The following AMMECR1 variants were observed in gnomAD, a reference collection of about 807,000 sequenced individuals.
AMMECR1 encodes the protein AMMECR nuclear protein 1.
AMMECR1 carries 3 observed loss-of-function variants against 22.5 expected under a neutral mutation model. The ratio of observed to expected loss-of-function variants is 0.13; its 90% CI spans 0.06 to 0.35. The LOEUF is 0.35. Ranked by LOEUF, AMMECR1 falls within the 10% of genes least tolerant of loss-of-function variation. The pLI is 1.00. For missense variants in AMMECR1, 235 were observed against 278.7 expected (o/e 0.84, Z 1.12); for synonymous variants, 130 against 116.7 (o/e 1.11, Z -0.74).
chrX:110,338,914 T>C (rs1307599577), intron 2 of AMMECR1, among the ~76,000 whole-genome samples: 1 of 111,827 alleles, frequency 8.9e-6, no homozygotes. Context: ...GCCAGGGAAC[T>C]GCCTGGGGTG....
chrX:110,348,572 T>A (rs1198338008), intron 2 of AMMECR1, among the ~76,000 whole-genome samples: 5 of 112,388 alleles, frequency 4.4e-5, no homozygotes, highest in Non-Finnish European at 7.5e-5. Context: ...TAAAGATTTT[T>A]AAAAAGTAAA....
chrX:110,321,744 G>GA (rs987944741), upstream of AMMECR1, among the ~76,000 whole-genome samples: 21 of 108,397 alleles, frequency 1.9e-4, no homozygotes, highest in East Asian at 1.7e-3. Context: ...ATATTTCATT[G>GA]AAAAAAAAAC....
intron 2 of AMMECR1, among the ~76,000 whole-genome samples, chrX:110,344,036 A>G (rs563341790): frequency 1.8e-5 from 2 of 110,518 alleles, no homozygotes; most frequent in Non-Finnish European, 1.9e-5. Flanking sequence ...GCATTGCCAA[A>G]TCAATCCTAA....
At position 110,228,169 on chromosome X, in the gene AMMECR1, C is replaced by T. The variant is rs922735850; in HGVS notation, c.585-11537G>A. On this transcript the variant is annotated intron_variant, in intron 2 of 5. Transcript: ENST00000262844. ...GGAGGAAAGAATCTTTTAAACTACT[C>T]GTATCATTTTTGTTTTATATGATTC... Among the ~76,000 whole-genome samples, 15 of 111,886 alleles carry T rather than the reference C, an allele frequency of 1.3e-4. No individual in the cohort carries two copies. The Admixed American group carries it at 1.4e-3, about 11-fold the overall frequency.
intron 2 of AMMECR1, among the ~76,000 whole-genome samples, chrX:110,424,136 T>A (rs1472765906): frequency 9.0e-6 from 1 of 111,650 alleles, no homozygotes; most frequent in Admixed American, 9.5e-5. Context: ...GGAAACATAA[T>A]GCAAGGTCAC....
chrX:110,238,192 C>T (rs111946184), intron 2 of AMMECR1, among the ~76,000 whole-genome samples: 47 of 111,948 alleles, frequency 4.2e-4, no homozygotes, highest in Middle Eastern at 9.2e-3. Flanking sequence ...CTAAAACAAG[C>T]AAAACTACTT....
intron 2 of AMMECR1, among the ~76,000 whole-genome samples, chrX:110,246,275 A>G (rs1190517633): frequency 9.0e-6 from 1 of 110,820 alleles, no homozygotes; most frequent in Non-Finnish European, 1.9e-5. Flanking sequence ...ATCCAGTTAT[A>G]AAACAAGTGA....
intron 2 of AMMECR1, among the ~76,000 whole-genome samples, chrX:110,424,552 A>G (rs1189323629): frequency 9.0e-6 from 1 of 111,124 alleles, no homozygotes; most frequent in Non-Finnish European, 1.9e-5. Flanking sequence ...CTTAACATTC[A>G]CTCACCAATC....
At chrX:110,299,674 G>A (rs2067955326) in intron 1 of AMMECR1, among the ~76,000 whole-genome samples, 1 of 111,594 alleles carries the variant, frequency 9.0e-6, no homozygotes, top group South Asian at 3.7e-4. Context: ...ATAATTGAAA[G>A]TTTGTATCCT....
chrX:110,232,024 T>C lies in AMMECR1; in HGVS notation c.585-15392A>G, dbSNP rs750638234. Among the ~76,000 whole-genome samples, 18 of 111,237 alleles carry C rather than the reference T, an allele frequency of 1.6e-4. No homozygotes were observed. In the East Asian group the frequency reaches 3.9e-3, roughly 24 times the overall value. ...CACCCAGATTCATAAATGAAGTCCT[T>C]AGAGACCCACAGAGAAACTTAGACT... On this transcript the variant is annotated intron_variant, in intron 2 of 5. Transcript: ENST00000262844.
intron 1 of AMMECR1, among the ~76,000 whole-genome samples, chrX:110,266,110 GT>G (rs752019966): frequency 0.01 from 931 of 92,571 alleles, 5 homozygotes; most frequent in African/African-American, 0.029. Flanking sequence ...GTAAAAGCCA[GT>G]TTTTTTTTTT....
At chrX:110,207,418 C>T (rs1462965324) in intron 3 of AMMECR1, among the ~76,000 whole-genome samples, 1 of 111,425 alleles carries the variant, frequency 9.0e-6, no homozygotes, top group East Asian at 2.8e-4. Context: ...ATACTTCGAA[C>T]TTAGGCCTAC....
chrX:110,352,670 A>G (rs1051959652), intron 2 of AMMECR1, among the ~76,000 whole-genome samples: 3 of 111,917 alleles, frequency 2.7e-5, no homozygotes, highest in Non-Finnish European at 5.6e-5. Context: ...ACTAAAAACC[A>G]TTTAATTGAA....
chrX:110,334,667 G>A (rs1035944413), intron 2 of AMMECR1, among the ~76,000 whole-genome samples: 1 of 111,885 alleles, frequency 8.9e-6, no homozygotes, highest in Non-Finnish European at 1.9e-5. Context: ...GTGTTTAATC[G>A]CTTTCAAATG....
chrX:110,324,418 AC>A (rs2068090048), intron 2 of AMMECR1, among the ~76,000 whole-genome samples: 1 of 110,840 alleles, frequency 9.0e-6, no homozygotes, highest in South Asian at 3.8e-4. Context: ...TGATAGTTTT[AC>A]TTCTTTCTTT....
intron 2 of AMMECR1, among the ~76,000 whole-genome samples, chrX:110,392,809 A>G (rs762527762): frequency 8.9e-6 from 1 of 112,241 alleles, no homozygotes; most frequent in Non-Finnish European, 1.9e-5. Context: ...CCTGAAAAAT[A>G]TACTTTTCTT....
At chrX:110,233,401 G>A (rs761734540) in intron 2 of AMMECR1, among the ~76,000 whole-genome samples, 6 of 111,955 alleles carry the variant, frequency 5.4e-5, no homozygotes, top group African/African-American at 1.3e-4. Context: ...TCTACCAGAC[G>A]TACAAAGAGG....
intron 2 of AMMECR1, among the ~76,000 whole-genome samples, chrX:110,339,922 G>T (rs2068157216): frequency 9.2e-6 from 1 of 108,805 alleles, no homozygotes; most frequent in Admixed American, 1.0e-4. Context: ...TAATAAATCA[G>T]TAATTTAAAA....
Position 110,271,753 on chromosome X carries a change from T to C in AMMECR1, c.474-7154A>G, listed in dbSNP as rs184578096. ...AAGGGAAAAATAGCTGTGGGTTTTT[T>C]TTCCTGATAATAGGAACACACCAGA... On this transcript the variant is annotated intron_variant, in intron 1 of 5. Coordinates refer to ENST00000262844, the MANE Select transcript of AMMECR1 (RefSeq NM_015365.3). Among the ~76,000 whole-genome samples the C allele has an allele frequency of 2.0e-3, 219 of 111,614 alleles. 1 individual carries two copies. The highest frequency in any genetic ancestry group is 6.9e-3 in the African/African-American group (211 of 30,766).
Sources: gnomAD v4.1 joint callset for allele counts (sites outside exome capture counted in the v4.1 genomes callset) on GRCh38, gnomAD v4.1.1 for gene constraint, MANE v1.5 for transcripts, NCBI Gene and HGNC (gene_info 2026-07-23, HGNC 2026-07-21) for gene names.